The following ARL17A variants were observed in gnomAD, a reference collection of about 807,000 sequenced individuals.
The protein encoded by ARL17A is ARF like GTPase 17A.
chr17:46,500,902 G>A, the ARL17A span, among the ~76,000 whole-genome samples: 3 of 151,006 alleles, frequency 2.0e-5, no homozygotes, highest in Non-Finnish European at 2.9e-5. Context: ...GTTCTGGGCC[G>A]GGCACTGTGG....
At chr17:46,528,708 G>C (rs2053156476), downstream of ARL17A, 4 of 642,852 alleles carry the variant, frequency 6.2e-6, no homozygotes, top group Admixed American at 9.5e-5. Flanking sequence ...CTGGGCAACA[G>C]AGTGAGACTT....
the ARL17A span, among the ~76,000 whole-genome samples, chr17:46,501,185 T>C: frequency 5.9e-5 from 9 of 151,302 alleles, no homozygotes; most frequent in African/African-American, 1.2e-4. Context: ...CCCAGCTATA[T>C]TGACTTGTTT....
chr17:46,541,670 G>A (rs1380669329), intron 3 of ARL17A, among the ~76,000 whole-genome samples: 17 of 149,740 alleles, frequency 1.1e-4, no homozygotes, highest in African/African-American at 3.0e-4. Flanking sequence ...CCATGGATGG[G>A]GAATATTTGG....
rs2054126278 is a variant in ARL17A at position 46,533,882 on chromosome 17, T to C, written c.335+4469A>G. On this transcript the variant is annotated intron_variant, in intron 4 of 4. Transcript: ENST00000329240. ...TTCTAGCAACAAAGTCTCTCAGTTT[T>C]TATTTATCTAGAATATCTTAATTTC... 2.9e-5 allele frequency among the ~76,000 whole-genome samples: 3 copies of C among 104,714 alleles called. No homozygotes were observed. The East Asian group carries it at 7.7e-4, about 27-fold the overall frequency. 68.7% of individuals were successfully genotyped at this position (104,714 alleles called of 152,430 possible).
At chr17:46,575,514 C>T (rs2057776188) in intron 2 of ARL17A, among the ~76,000 whole-genome samples, 2 of 133,818 alleles carry the variant, frequency 1.5e-5, no homozygotes, top group African/African-American at 5.5e-5. Flanking sequence ...CAGCTCCCAC[C>T]TCAGCCTTCT....
chr17:46,568,424 C>G (rs2057567955), intron 3 of ARL17A, among the ~76,000 whole-genome samples: 1 of 122,122 alleles, frequency 8.2e-6, no homozygotes, highest in Admixed American at 8.4e-5. Context: ...AGGAAATCCA[C>G]AGATAGCCAA....
downstream of ARL17A, chr17:46,516,653 C>A (rs1341266981): frequency 6.0e-6 from 1 of 167,178 alleles, no homozygotes; most frequent in African/African-American, 2.5e-5. Context: ...GAAAGTTACA[C>A]AATGAGGTAT....
chr17:46,534,511 G>C (rs1366023418), intron 4 of ARL17A, among the ~76,000 whole-genome samples: 5 of 148,238 alleles, frequency 3.4e-5, no homozygotes, highest in Admixed American at 2.6e-4. Context: ...CACTGGGTTG[G>C]GGGTAAGGTC....
chr17:46,502,130 G>A, the ARL17A span, among the ~76,000 whole-genome samples: 1 of 151,158 alleles, frequency 6.6e-6, no homozygotes, highest in Non-Finnish European at 1.5e-5. Context: ...CACTTCATAA[G>A]CTTTAGATTT....
chr17:46,528,731 A>G, downstream of ARL17A: 2 of 671,856 alleles, frequency 3.0e-6, no homozygotes, highest in African/African-American at 2.0e-5. Context: ...TCTCAAAAAA[A>G]AAAAAAAAAA....
downstream of ARL17A, chr17:46,548,785 C>G (rs772510763): frequency 2.5e-6 from 4 of 1,611,700 alleles, no homozygotes; most frequent in Non-Finnish European, 3.4e-6. Flanking sequence ...GGAGGTGGAA[C>G]AGCCCCACAC....
chr17:46,500,581 T>G, the ARL17A span, among the ~76,000 whole-genome samples: 2 of 150,708 alleles, frequency 1.3e-5, no homozygotes, highest in Admixed American at 6.6e-5. Context: ...ACCTGAAGAT[T>G]GTGAGAAACT....
Position 46,568,446 on chromosome 17 carries a change from G to A in ARL17A, c.259+2313C>T, listed in dbSNP as rs185393037. Among the ~76,000 whole-genome samples, 777 of 127,174 alleles carry A rather than the reference G, an allele frequency of 6.1e-3. 77 individuals are homozygous for A. Among genetic ancestry groups the A allele is most frequent in the Middle Eastern group, 0.026 (7 of 274 alleles). The allele number at this position is 127,174 out of a possible 152,430, so 83.4% of individuals were successfully genotyped here. A position where few individuals can be genotyped will look rare whatever the true frequency, so the allele number is the denominator to read the frequency against. On this transcript the variant is annotated intron_variant, in intron 3 of 3. Coordinates refer to ENST00000336125, the MANE Select transcript of ARL17A (RefSeq NM_001113738.2). ...CCACAGATAGCCAAGCAAGTTAGAT[G>A]GCACTATAATAAAGTAATCAACCAA...
intron 3 of ARL17A, among the ~76,000 whole-genome samples, chr17:46,558,376 GTTT>G (rs1220226031): frequency 2.8e-5 from 3 of 106,914 alleles, no homozygotes; most frequent in African/African-American, 1.2e-4. Flanking sequence ...GGGTTTTGGG[GTTT>G]TTTTTGTGTT....
intron 3 of ARL17A, among the ~76,000 whole-genome samples, chr17:46,545,042 C>T (rs1307791427): frequency 1.4e-5 from 2 of 138,600 alleles, no homozygotes; most frequent in African/African-American, 5.6e-5. Context: ...GGGAAAAATA[C>T]TGCATAGGTG....
chr17:46,550,640 G>C, downstream of ARL17A: 1 of 655,552 alleles, frequency 1.5e-6, no homozygotes. Context: ...TACTTCTTCA[G>C]TCATTTAAGG....
the ARL17A span, among the ~76,000 whole-genome samples, chr17:46,502,653 C>G: frequency 6.6e-6 from 1 of 151,212 alleles, no homozygotes; most frequent in Non-Finnish European, 1.5e-5. Context: ...GTCTTTTTTG[C>G]TTTTTATAAA....
At chr17:46,575,456 G>A (rs1490634082) in intron 2 of ARL17A, among the ~76,000 whole-genome samples, 1 of 150,048 alleles carries the variant, frequency 6.7e-6, no homozygotes, top group Non-Finnish European at 1.5e-5. Flanking sequence ...TGCCACTAAG[G>A]AAGGCCAGCT....
At chr17:46,551,166 T>C, downstream of ARL17A, among the ~76,000 whole-genome samples, 2 of 149,310 alleles carry the variant, frequency 1.3e-5, no homozygotes. Flanking sequence ...TGTGAGACAT[T>C]CCCCCTCAGA....
Sources: gnomAD v4.1 joint callset for allele counts (sites outside exome capture counted in the v4.1 genomes callset) on GRCh38, gnomAD v4.1.1 for gene constraint, MANE v1.5 for transcripts, NCBI Gene and HGNC (gene_info 2026-07-23, HGNC 2026-07-21) for gene names.